STMN3: variants seen among roughly 807,000 people sequenced by gnomAD.
STMN3 encodes the protein stathmin-3.
A neutral mutation model predicts 23.2 loss-of-function variants in STMN3; 24 were observed. That is an observed-to-expected ratio of 1.03 (90% CI 0.75 to 1.45). The LOEUF (loss-of-function observed/expected upper bound fraction) is 1.45, where lower values mean the gene tolerates loss of function less well. Ranked by LOEUF, STMN3 falls within the 40% of genes most tolerant of loss-of-function variation. The pLI is 0.00. For missense variants in STMN3, 235 were observed against 237.6 expected (o/e 0.99, Z 0.07); for synonymous variants, 117 against 103.4 (o/e 1.13, Z -0.80).
At chr20:63,644,331 G>C in intron 1 of STMN3, 22 bp from the exon 2 acceptor site, 1 of 1,597,576 alleles carries the variant, frequency 6.3e-7, no homozygotes, top group South Asian at 1.1e-5. Context: ...AGGCTGGGCT[G>C]AGCAAGCACC....
rs764132281 is a variant in STMN3, at chr20:63,644,316, G to A, written c.20-7C>T. 1.4e-5 allele frequency: 23 copies of A among 1,608,012 alleles called. No individual in the cohort carries two copies. The highest frequency in any genetic ancestry group is 1.7e-4 in the Middle Eastern group (1 of 6,056). Reference sequence around the variant, plus strand: ...TTCATCTTCTCCTTGTAGGCTGTGGGCACAAGGCTGGGCTGAGCAAGCACC... The same window carrying A: ...TTCATCTTCTCCTTGTAGGCTGTGGACACAAGGCTGGGCTGAGCAAGCACC... On this transcript the variant is annotated splice_region_variant and splice_polypyrimidine_tract_variant and intron_variant, in intron 1 of 4. Coordinates refer to ENST00000370053, the MANE Select transcript of STMN3 (RefSeq NM_015894.4).
intron 3 of STMN3, 73 bp from the exon 4 acceptor site, chr20:63,642,372 G>C (rs2089776122): frequency 2.6e-6 from 3 of 1,168,444 alleles, no homozygotes; most frequent in African/African-American, 3.2e-5. Flanking sequence ...CCTGCTCTCC[G>C]CCTCCCGCCC....
chr20:63,641,520 C>T lies in STMN3; in HGVS notation c.484-123G>A, dbSNP rs976062852. On this transcript the variant is annotated intron_variant, in intron 4 of 4. Coordinates refer to ENST00000370053, the MANE Select transcript of STMN3 (RefSeq NM_015894.4). ...CGGCCTCATCCGGGCTGGCCTTCGGCAGGACCCTGACTGAGTTGAGGGGGC... is the reference window on the plus strand; with the variant it reads ...CGGCCTCATCCGGGCTGGCCTTCGGTAGGACCCTGACTGAGTTGAGGGGGC... 7 of 736,884 alleles carry T rather than the reference C, an allele frequency of 9.5e-6. No homozygotes were observed. The African/African-American group carries it at 1.1e-4, about 11-fold the overall frequency. The allele number at this position is 736,884 out of a possible 1,614,324, so 45.6% of individuals were successfully genotyped here. A position where few individuals can be genotyped will look rare whatever the true frequency, so the allele number is the denominator to read the frequency against.
In STMN3 at chr20:63,652,615, G is replaced by A; in HGVS notation, c.19+712C>T. On this transcript the variant is annotated intron_variant, in intron 1 of 4. Transcript: ENST00000370053. This position sits in a 1 kb window ranked among gnomAD's most constrained non-coding sequence, Gnocchi z 5.3. Reference sequence around the variant, plus strand: ...CCGCCCCGCGGGAGGTGGAGGGGCGGGAGGGGCGGAGCCCTCTGGTCTCCG... The same window carrying A: ...CCGCCCCGCGGGAGGTGGAGGGGCGAGAGGGGCGGAGCCCTCTGGTCTCCG... The A allele has an allele frequency of 2.0e-6, 2 of 985,442 alleles. No homozygotes were observed. The highest frequency in any genetic ancestry group is 2.4e-6 in the Non-Finnish European group (2 of 829,938). The allele number at this position is 985,442 out of a possible 1,614,324, so 61.0% of individuals were successfully genotyped here. A position where few individuals can be genotyped will look rare whatever the true frequency, so the allele number is the denominator to read the frequency against.
intron 1 of STMN3, 43 bp downstream of exon 1, chr20:63,653,284 T>C (rs1158622889): frequency 6.5e-7 from 1 of 1,542,602 alleles, no homozygotes; most frequent in Admixed American, 2.0e-5. Context: ...AGGCCTCTGC[T>C]CAGATCCCGC....
intron 1 of STMN3, among the ~76,000 whole-genome samples, chr20:63,651,342 G>C (rs1161078413): frequency 6.6e-6 from 1 of 152,204 alleles, no homozygotes. Context: ...TGAGAGCCCA[G>C]TCATGAGCCT....
rs202108425 is a variant in STMN3 at position 63,644,240 on chromosome 20, T to G, written c.89A>C (p.His30Pro). Residue 30 changes from histidine to proline, a missense_variant, in exon 2 of 5, where the codon CAC (histidine) becomes CCC (proline). Physicochemically the swap from His to Pro is moderately conservative, Grantham distance 77. Coordinates refer to ENST00000370053, the MANE Select transcript of STMN3 (RefSeq NM_015894.4). ...LICSCFYTQP[H>P]PNTVYQYGDM... ...CCCGTACTGGTAGACGGTATTGGGG[T>G]GCGGCTGTGTGTAGAAGCAGGAGCA... 6.2e-7 allele frequency: 1 copy of G among 1,613,664 alleles called. No homozygotes were observed. The highest frequency in any genetic ancestry group is 8.5e-7 in the Non-Finnish European group (1 of 1,179,892).
chr20:63,643,227 C>T (rs896202376), intron 3 of STMN3, among the ~76,000 whole-genome samples: 7 of 152,208 alleles, frequency 4.6e-5, no homozygotes. Flanking sequence ...GGCTCCTGCT[C>T]CTTCCAGGTG....
intron 3 of STMN3, among the ~76,000 whole-genome samples, chr20:63,643,140 C>T (rs2089782135): frequency 6.6e-6 from 1 of 152,076 alleles, no homozygotes; most frequent in Admixed American, 6.5e-5. Flanking sequence ...CCCCACCCGA[C>T]GTCCCCAGGG....
At position 63,644,233 on chromosome 20, in the gene STMN3, A is replaced by G. The variant is rs1228055194; in HGVS notation, c.96T>C (p.Asn32=). 1.9e-6 allele frequency: 3 copies of G among 1,612,956 alleles called. No individual in the cohort carries two copies. In the Admixed American group the frequency reaches 5.0e-5, roughly 27 times the overall value. The change falls in exon 2 of 5, where the codon AAT becomes AAC. Residue 32 remains asparagine, a synonymous_variant. Coordinates refer to ENST00000370053, the MANE Select transcript of STMN3 (RefSeq NM_015894.4). ...CSCFYTQPHP[N]TVYQYGDMEV... ...ACTCACCCCCGTACTGGTAGACGGT[A>G]TTGGGGTGCGGCTGTGTGTAGAAGC...
In STMN3 at chr20:63,641,058, G is replaced by A. The variant is rs6423444; in HGVS notation, c.*280C>T. On this transcript the variant is annotated 3_prime_UTR_variant, in exon 5 of 5. Transcript: ENST00000370053. ...CCGCCCTGGGTTTACCACGGTCACC[G>A]CCACCTCTCTCACAGGGCCCCCGGG... 198,150 of 530,136 alleles carry A rather than the reference G, an allele frequency of 0.37. 43,740 individuals are homozygous for A. Among genetic ancestry groups the A allele is most frequent in the East Asian group, 0.84 (25,374 of 30,126 alleles). 32.8% of individuals were successfully genotyped at this position (530,136 alleles called of 1,614,324 possible). A position where few individuals can be genotyped will look rare whatever the true frequency, so the allele number is the denominator to read the frequency against.
chr20:63,650,145 T>G (rs897265241), intron 1 of STMN3, among the ~76,000 whole-genome samples: 2 of 111,344 alleles, frequency 1.8e-5, no homozygotes, highest in African/African-American at 7.6e-5. Flanking sequence ...GTGCTGGGAT[T>G]ACAGGCGTGA....
intron 3 of STMN3, 24 bp downstream of exon 3, chr20:63,643,732 G>A: frequency 2.6e-6 from 4 of 1,513,750 alleles, no homozygotes; most frequent in South Asian, 2.7e-5. Flanking sequence ...ACTCCTGGGG[G>A]GTGGGGGATG....
intron 1 of STMN3, among the ~76,000 whole-genome samples, chr20:63,650,954 CT>C (rs2089854097): frequency 1.2e-5 from 1 of 80,596 alleles, no homozygotes; most frequent in Non-Finnish European, 2.3e-5. Context: ...TCCTCCTCTT[CT>C]TTCTTCTTTT....
chr20:63,652,779 C>T lies in STMN3; in HGVS notation c.19+548G>A. 1 of 985,812 alleles carries T rather than the reference C, an allele frequency of 1.0e-6. No homozygotes were observed. Among genetic ancestry groups the T allele is most frequent in the Non-Finnish European group, 1.2e-6 (1 of 830,272 alleles). The allele number at this position is 985,812 out of a possible 1,614,324, so 61.1% of individuals were successfully genotyped here. On this transcript the variant is annotated intron_variant, in intron 1 of 4. Coordinates refer to ENST00000370053, the MANE Select transcript of STMN3 (RefSeq NM_015894.4). The surrounding 1 kb of genome is among the most constrained non-coding windows in gnomAD (Gnocchi z 5.3). ...GCCGCAGCGGTGTGGGGGGAGGGCGCGGTCCCCCTCACTCCGGGCTCCGCC... is the reference window on the plus strand; with the variant it reads ...GCCGCAGCGGTGTGGGGGGAGGGCGTGGTCCCCCTCACTCCGGGCTCCGCC...
At position 63,642,141 on chromosome 20, in the gene STMN3, G is replaced by A; in HGVS notation, c.450C>T (p.His150=). ...MELSKEIREA[H]LAALRERLRE... ...GCAGCCGCTCGCGCAGTGCGGCCAG[G>A]TGTGCCTCGCGGATCTCCTTGCTGA... The change falls in exon 4 of 5, where the codon CAC becomes CAT. Residue 150 remains histidine (H), a synonymous_variant. Transcript: ENST00000370053. 2.1e-6 allele frequency: 3 copies of A among 1,417,450 alleles called. No individual in the cohort carries two copies. The highest frequency in any genetic ancestry group is 2.8e-6 in the Non-Finnish European group (3 of 1,071,362). 87.8% of individuals were successfully genotyped at this position (1,417,450 alleles called of 1,614,324 possible). A position where few individuals can be genotyped will look rare whatever the true frequency, so the allele number is the denominator to read the frequency against.
At chr20:63,644,150 G>A in intron 2 of STMN3, 64 bp downstream of exon 2, 1 of 1,495,262 alleles carries the variant, frequency 6.7e-7, no homozygotes, top group Non-Finnish European at 9.3e-7. Flanking sequence ...ACTGCCGGAG[G>A]CCGGGGGAAA....
intron 1 of STMN3, among the ~76,000 whole-genome samples, chr20:63,644,672 C>T (rs759413780): frequency 1.3e-5 from 2 of 152,176 alleles, no homozygotes; most frequent in Non-Finnish European, 2.9e-5. Flanking sequence ...GTGTTGAAAT[C>T]GTAACCCCAA....
chr20:63,640,834 A>T lies in STMN3; in HGVS notation c.*504T>A, dbSNP rs879086243. 13 of 217,400 alleles carry T rather than the reference A, an allele frequency of 6.0e-5. No homozygotes were observed. Among genetic ancestry groups the T allele is most frequent in the Admixed American group, 1.1e-4 (2 of 18,650 alleles). 13.5% of individuals were successfully genotyped at this position (217,400 alleles called of 1,614,324 possible). On this transcript the variant is annotated 3_prime_UTR_variant, in exon 5 of 5. Transcript: ENST00000370053. ...CCACCCGCCTGCCAGTTCAACAAGCACCGGCTGCACACGCAGGCTCCCAGG... is the reference window on the plus strand; with the variant it reads ...CCACCCGCCTGCCAGTTCAACAAGCTCCGGCTGCACACGCAGGCTCCCAGG...
Sources: gnomAD v4.1 joint callset for allele counts (sites outside exome capture counted in the v4.1 genomes callset) on GRCh38, gnomAD v4.1.1 for gene constraint, Gnocchi (gnomAD v3.1) non-coding constraint, MANE v1.5 for transcripts, NCBI Gene and HGNC (gene_info 2026-07-23, HGNC 2026-07-21) for gene names.